HCN1: variants seen among roughly 807,000 people sequenced by gnomAD.
The protein encoded by HCN1 is potassium/sodium hyperpolarization-activated cyclic nucleotide-gated channel 1.
Under a neutral mutation model 78.9 loss-of-function variants are expected in HCN1, and 13 were observed. The observed-to-expected ratio is 0.16, with a 90% CI of 0.11 to 0.26. HCN1 has a LOEUF of 0.26. Among genes scored for constraint, HCN1 ranks in the 10% least tolerant of loss-of-function variants. The pLI, the probability that HCN1 is intolerant of heterozygous loss-of-function variation, is 1.00. For synonymous variants in HCN1, 552 were observed against 455.5 expected (o/e 1.21, Z -2.70); for missense variants, 810 against 1,154.3 (o/e 0.70, Z 4.32).
chr5:45,623,800 G>A (rs1189885625), intron 2 of HCN1, among the ~76,000 whole-genome samples: 3 of 152,138 alleles, frequency 2.0e-5, no homozygotes, highest in African/African-American at 7.2e-5. Flanking sequence ...TACATGAAGT[G>A]ATAAATGCTA....
intron 3 of HCN1, among the ~76,000 whole-genome samples, chr5:45,440,961 C>T (rs1333315570): frequency 1.3e-5 from 2 of 152,156 alleles, no homozygotes; most frequent in African/African-American, 2.4e-5. Flanking sequence ...TTCTCTCTCA[C>T]TCCACTCCAG....
chr5:45,402,820 CTT>C (rs2112046859), intron 3 of HCN1, among the ~76,000 whole-genome samples: 1 of 121,170 alleles, frequency 8.3e-6, no homozygotes, highest in East Asian at 2.3e-4. Flanking sequence ...TTCCTCCTTC[CTT>C]CCTTCCTTCC....
chr5:45,500,612 T>C (rs912698432), intron 2 of HCN1, among the ~76,000 whole-genome samples: 1 of 152,198 alleles, frequency 6.6e-6, no homozygotes, highest in South Asian at 2.1e-4. Flanking sequence ...CCATAATATC[T>C]GTTTAAAATT....
chr5:45,603,997 A>T (rs1214225767), intron 2 of HCN1, among the ~76,000 whole-genome samples: 1 of 152,122 alleles, frequency 6.6e-6, no homozygotes, highest in African/African-American at 2.4e-5. Context: ...ATGAGTAGAT[A>T]ATATAACACA....
At position 45,695,782 on chromosome 5, in the gene HCN1, G is replaced by C. The variant is rs750291664; in HGVS notation, c.312C>G (p.Pro104=). The C allele has an allele frequency of 1.9e-6, 3 of 1,611,674 alleles. No individual in the cohort carries two copies. The highest frequency in any genetic ancestry group is 1.7e-6 in the Non-Finnish European group (2 of 1,179,572). Reference sequence around the variant, plus strand: ...TGCGGAGGGAGAATTTGTTGACCCCGGGCTGCAGCATGGAGGTGAACTGCC... The same window carrying C: ...TGCGGAGGGAGAATTTGTTGACCCCCGGCTGCAGCATGGAGGTGAACTGCC... ...MQRQFTSMLQ[P]GVNKFSLRMF... The change falls in exon 1 of 8, where the codon CCC becomes CCG. Residue 104 remains proline, a synonymous_variant. Transcript: ENST00000303230.
At chr5:45,648,743 G>C (rs1745621173) in intron 1 of HCN1, among the ~76,000 whole-genome samples, 2 of 151,744 alleles carry the variant, frequency 1.3e-5, no homozygotes, top group Non-Finnish European at 2.9e-5. Flanking sequence ...TCTATGTCTT[G>C]CACATTTTAT....
At chr5:45,620,633 GA>G (rs2111993844) in intron 2 of HCN1, among the ~76,000 whole-genome samples, 1 of 151,942 alleles carries the variant, frequency 6.6e-6, no homozygotes, top group South Asian at 2.1e-4. Flanking sequence ...AGTCGAAAGG[GA>G]GGGAGGATAG....
At chr5:45,460,331 A>G (rs1307396289) in intron 3 of HCN1, among the ~76,000 whole-genome samples, 1 of 152,140 alleles carries the variant, frequency 6.6e-6, no homozygotes, top group Non-Finnish European at 1.5e-5. Flanking sequence ...ACATAGCAGC[A>G]TGGTGCCACC....
intron 2 of HCN1, among the ~76,000 whole-genome samples, chr5:45,506,477 T>C (rs1160568191): frequency 6.6e-6 from 1 of 152,182 alleles, no homozygotes; most frequent in African/African-American, 2.4e-5. Flanking sequence ...CATTATTCCA[T>C]GTCTGTACCT....
At chr5:45,404,693 CAAAAAAAAAA>C (rs60728403) in intron 3 of HCN1, among the ~76,000 whole-genome samples, 5,838 of 56,418 alleles carry the variant, frequency 0.1, 182 homozygotes, top group East Asian at 0.25. Context: ...GGGCTATTTG[CAAAAAAAAAA>C]AAAAAAAAAA....
chr5:45,372,184 TAATAC>T (rs1442102965), intron 4 of HCN1, among the ~76,000 whole-genome samples: 69 of 61,828 alleles, frequency 1.1e-3, no homozygotes, highest in African/African-American at 6.4e-3. Flanking sequence ...TATTATAATA[TAATAC>T]AATTAATATA....
At chr5:45,422,153 G>C (rs556738492) in intron 3 of HCN1, among the ~76,000 whole-genome samples, 1 of 152,252 alleles carries the variant, frequency 6.6e-6, no homozygotes, top group African/African-American at 2.4e-5. Flanking sequence ...TGAACAAACA[G>C]GCCTTGCTAA....
At chr5:45,388,939 A>C (rs1202064468) in intron 4 of HCN1, among the ~76,000 whole-genome samples, 1 of 152,180 alleles carries the variant, frequency 6.6e-6, no homozygotes, top group Non-Finnish European at 1.5e-5. Context: ...TTGCACTGGA[A>C]AACTGTGTAA....
At chr5:45,521,442 T>C (rs1055610921) in intron 2 of HCN1, among the ~76,000 whole-genome samples, 12 of 152,000 alleles carry the variant, frequency 7.9e-5, no homozygotes, top group Non-Finnish European at 1.6e-4. Context: ...GTGAGGTTTG[T>C]GAGGAAAAAT....
intron 6 of HCN1, among the ~76,000 whole-genome samples, chr5:45,282,747 C>G (rs1007259822): frequency 2.0e-5 from 3 of 152,208 alleles, no homozygotes; most frequent in Admixed American, 1.3e-4. Flanking sequence ...CCCCGTAGGA[C>G]TAACTAGTAA....
At chr5:45,615,859 G>A (rs1473101911) in intron 2 of HCN1, among the ~76,000 whole-genome samples, 1 of 151,808 alleles carries the variant, frequency 6.6e-6, no homozygotes, top group Admixed American at 6.6e-5. Context: ...CTTCTATGGT[G>A]ATGACTTGCA....
At position 45,539,534 on chromosome 5, in the gene HCN1, G is replaced by A. The variant is rs548635711; in HGVS notation, c.850-77527C>T. Among the ~76,000 whole-genome samples the A allele has an allele frequency of 4.0e-5, 6 of 150,474 alleles. No individual in the cohort carries two copies. In the South Asian group the frequency reaches 6.3e-4, roughly 16 times the overall value. On this transcript the variant is annotated intron_variant, in intron 2 of 7. Coordinates refer to ENST00000303230, the MANE Select transcript of HCN1 (RefSeq NM_021072.4). The stretch of plus-strand genomic sequence containing the variant: ...CAAAAAATTAGCCTGGCGTGGTGGC[G>A]GGCACCTGTAATCCCAGCCACTCGG...
chr5:45,425,025 C>T (rs1053976867), intron 3 of HCN1, among the ~76,000 whole-genome samples: 4 of 151,994 alleles, frequency 2.6e-5, no homozygotes, highest in African/African-American at 9.7e-5. Flanking sequence ...ATAATTAAAC[C>T]GGAGAAAATG....
intron 6 of HCN1, among the ~76,000 whole-genome samples, chr5:45,284,954 T>G (rs1343250070): frequency 6.6e-6 from 1 of 152,068 alleles, no homozygotes; most frequent in Non-Finnish European, 1.5e-5. Context: ...TATTAAACTC[T>G]AAGTGGAACT....
Sources: allele counts gnomAD v4.1 joint callset (sites outside exome capture counted in the v4.1 genomes callset), GRCh38; gene constraint gnomAD v4.1.1; transcripts MANE v1.5; gene names NCBI Gene and HGNC (gene_info 2026-07-23, HGNC 2026-07-21).